The following OR4Q3 variants were observed in gnomAD, a reference collection of about 807,000 sequenced individuals.
OR4Q3 encodes olfactory receptor 4Q3.
Under a neutral mutation model 18.8 loss-of-function variants are expected in OR4Q3, and 17 were observed. The observed-to-expected ratio is 0.91, with a 90% CI of 0.62 to 1.36. The LOEUF (loss-of-function observed/expected upper bound fraction) is 1.36, where lower values mean the gene tolerates loss of function less well. Ranked by LOEUF, OR4Q3 falls within the 40% of genes most tolerant of loss-of-function variation. The pLI is 0.00. For synonymous variants in OR4Q3, 158 were observed against 145.8 expected (o/e 1.08, Z -0.60); for missense variants, 378 against 373.4 (o/e 1.01, Z -0.10).
chr14:19,750,836 T>G, downstream of OR4Q3, among the ~76,000 whole-genome samples: 3 of 152,268 alleles, frequency 2.0e-5, no homozygotes, highest in Non-Finnish European at 4.4e-5. Flanking sequence ...CATGTTCTTC[T>G]CTTTAGCTTC....
At chr14:19,750,664 T>C, downstream of OR4Q3, among the ~76,000 whole-genome samples, 1 of 152,246 alleles carries the variant, frequency 6.6e-6, no homozygotes, top group Non-Finnish European at 1.5e-5. Flanking sequence ...ATTTTTATTT[T>C]TGTGTTGGGA....
chr14:19,746,908 GT>G, intron 1 of OR4Q3, among the ~76,000 whole-genome samples: 3 of 151,450 alleles, frequency 2.0e-5, no homozygotes, highest in Middle Eastern at 3.2e-3. Flanking sequence ...GAGAGATTTA[GT>G]TTTTTTTATG....
chr14:19,749,858 CTT>C, downstream of OR4Q3, among the ~76,000 whole-genome samples: 11 of 9,844 alleles, frequency 1.1e-3, no homozygotes, highest in Non-Finnish European at 3.9e-3. Context: ...TTCTTTCTTT[CTT>C]TCTTTCTTTC....
chr14:19,749,800 C>CTTTTTCTCTTTT, downstream of OR4Q3, among the ~76,000 whole-genome samples: 1 of 77,110 alleles, frequency 1.3e-5, no homozygotes, highest in African/African-American at 3.7e-5. Context: ...TTCTTTCTCT[C>CTTTTTCTCTTTT]TCTTTCTCTC....
At chr14:19,745,768 G>A in intron 1 of OR4Q3, among the ~76,000 whole-genome samples, 1 of 152,208 alleles carries the variant, frequency 6.6e-6, no homozygotes, top group Non-Finnish European at 1.5e-5. Flanking sequence ...CAATATAGCA[G>A]AGCTCAAGTG....
intron 1 of OR4Q3, among the ~76,000 whole-genome samples, chr14:19,745,180 T>A: frequency 2.0e-5 from 3 of 152,186 alleles, no homozygotes; most frequent in Non-Finnish European, 2.9e-5. Flanking sequence ...CTTATCAGAG[T>A]AATCACCTAG....
chr14:19,747,783 T>C, exon 2 of OR4Q3: 1 of 1,613,922 alleles, frequency 6.2e-7, no homozygotes, highest in Admixed American at 1.7e-5. Flanking sequence ...CTGACAGTCA[T>C]GGCCTATGAC....
At chr14:19,748,308 A>G in exon 2 of OR4Q3, 2 of 1,613,706 alleles carry the variant, frequency 1.2e-6, no homozygotes, top group Non-Finnish European at 1.7e-6. Context: ...AGAAATACTG[A>G]TATGAAGACA....
At chr14:19,749,264 T>C in exon 2 of OR4Q3, 1 of 152,228 alleles carries the variant, frequency 6.6e-6, no homozygotes, top group Non-Finnish European at 1.5e-5. Flanking sequence ...TTAACTTCAT[T>C]TTTGAGAATG....
At chr14:19,746,964 ATAT>A in intron 1 of OR4Q3, among the ~76,000 whole-genome samples, 1 of 152,174 alleles carries the variant, frequency 6.6e-6, no homozygotes, top group East Asian at 1.9e-4. Context: ...ATCTTGGGAG[ATAT>A]TATTAACTGT....
At chr14:19,747,415 T>C in exon 2 of OR4Q3, 3 of 1,558,824 alleles carry the variant, frequency 1.9e-6, no homozygotes, top group Non-Finnish European at 2.6e-6. Context: ...GGTCACTTGA[T>C]ATTCTTGGCT....
chr14:19,749,337 C>T, exon 2 of OR4Q3: 2 of 152,386 alleles, frequency 1.3e-5, no homozygotes, highest in East Asian at 3.9e-4. Context: ...CAAGAAAGCT[C>T]TTTGTAATCC....
chr14:19,744,186 C>T (rs1232339294), intron 1 of OR4Q3, among the ~76,000 whole-genome samples: 4 of 152,178 alleles, frequency 2.6e-5, no homozygotes, highest in Middle Eastern at 3.2e-3. Context: ...CCATCTTCAA[C>T]TAATGGTGTG....
exon 2 of OR4Q3, chr14:19,748,357 A>G: frequency 6.2e-7 from 1 of 1,604,740 alleles, no homozygotes; most frequent in Non-Finnish European, 8.5e-7. Flanking sequence ...GTGGCATTCC[A>G]TTGCCTTGTT....
At chr14:19,751,296 G>A, downstream of OR4Q3, among the ~76,000 whole-genome samples, 16 of 152,308 alleles carry the variant, frequency 1.1e-4, no homozygotes, top group Non-Finnish European at 2.2e-4. Context: ...ATTGTGTTGA[G>A]GATTTTTGCA....
chr14:19,746,008 A>G, intron 1 of OR4Q3, among the ~76,000 whole-genome samples: 8 of 152,106 alleles, frequency 5.3e-5, no homozygotes, highest in African/African-American at 1.7e-4. Context: ...TCACTGGCTT[A>G]TCTTGGAATA....
chr14:19,747,774 T>C, exon 2 of OR4Q3: 1 of 1,614,040 alleles, frequency 6.2e-7, no homozygotes, highest in Non-Finnish European at 8.5e-7. Context: ...ATGTTTTTGC[T>C]GACAGTCATG....
chr14:19,748,390 T>C, exon 2 of OR4Q3: 9 of 1,539,754 alleles, frequency 5.8e-6, no homozygotes, highest in Non-Finnish European at 8.0e-6. Context: ...GAAGAGGTGA[T>C]TTGAAAAACA....
chr14:19,744,819 G>A, intron 1 of OR4Q3, among the ~76,000 whole-genome samples: 3 of 152,160 alleles, frequency 2.0e-5, no homozygotes, highest in Non-Finnish European at 4.4e-5. Context: ...ACTGGGGTTA[G>A]TTTTGGGGTG....
Sources: allele counts gnomAD v4.1 joint callset (sites outside exome capture counted in the v4.1 genomes callset), GRCh38; gene constraint gnomAD v4.1.1; transcripts MANE v1.5; gene names NCBI Gene and HGNC (gene_info 2026-07-23, HGNC 2026-07-21).